The following SHC4 variants were observed in gnomAD, a reference collection of about 807,000 sequenced individuals.
SHC4 encodes the protein SHC-transforming protein 4.
A neutral mutation model predicts 69.4 loss-of-function variants in SHC4; 41 were observed. The observed-to-expected ratio is 0.59, with a 90% CI of 0.46 to 0.77. The LOEUF (loss-of-function observed/expected upper bound fraction) is 0.77. Ranked by LOEUF, SHC4 falls within the 30% of genes least tolerant of loss-of-function variation. SHC4 has a pLI of 0.00. For missense variants in SHC4, 777 were observed against 783.8 expected (o/e 0.99, Z 0.10); for synonymous variants, 318 against 299.3 (o/e 1.06, Z -0.64).
At chr15:48,894,967 T>C (rs1463789208) in intron 2 of SHC4, among the ~76,000 whole-genome samples, 5 of 151,932 alleles carry the variant, frequency 3.3e-5, no homozygotes, top group African/African-American at 1.2e-4. Flanking sequence ...TAATTTTTTC[T>C]TTTCCTTTTT....
chr15:48,923,777 C>A (rs1034626437), intron 2 of SHC4, among the ~76,000 whole-genome samples: 7 of 151,466 alleles, frequency 4.6e-5, no homozygotes, highest in Middle Eastern at 3.4e-3. Flanking sequence ...GTAGCTGGGG[C>A]TACTGGCATG....
intron 1 of SHC4, among the ~76,000 whole-genome samples, chr15:48,949,020 G>A (rs1901323257): frequency 6.6e-6 from 1 of 152,116 alleles, no homozygotes; most frequent in African/African-American, 2.4e-5. Context: ...TCCTTCTGTA[G>A]TCCTGTGTCT....
At chr15:48,886,249 T>C (rs183755175) in intron 3 of SHC4, among the ~76,000 whole-genome samples, 24 of 152,126 alleles carry the variant, frequency 1.6e-4, no homozygotes, top group Non-Finnish European at 2.9e-5. Context: ...AGAGCAAGAC[T>C]GTCTCAAAAT....
intron 1 of SHC4, among the ~76,000 whole-genome samples, chr15:48,942,483 A>T (rs1036882218): frequency 1.4e-5 from 2 of 147,162 alleles, no homozygotes. Flanking sequence ...TGTATTCTTT[A>T]AAAAAAAAAA....
At chr15:48,936,199 C>T (rs1022901232) in intron 1 of SHC4, among the ~76,000 whole-genome samples, 2 of 152,160 alleles carry the variant, frequency 1.3e-5, no homozygotes, top group African/African-American at 4.8e-5. Context: ...AAAACTCCTC[C>T]TTCTGCTCCA....
chr15:48,840,877 A>C (rs901961018), intron 10 of SHC4, among the ~76,000 whole-genome samples: 1 of 152,222 alleles, frequency 6.6e-6, no homozygotes, highest in African/African-American at 2.4e-5. Context: ...CAAAGGCCTA[A>C]ATTATTAAAT....
At chr15:48,834,148 T>C (rs1262169774) in intron 11 of SHC4, among the ~76,000 whole-genome samples, 2 of 152,212 alleles carry the variant, frequency 1.3e-5, no homozygotes, top group Non-Finnish European at 2.9e-5. Context: ...GATAATTTTC[T>C]GTCTACAGGC....
chr15:48,884,398 CTG>C, intron 3 of SHC4, 31 bp from the exon 4 acceptor site: 1 of 1,549,734 alleles, frequency 6.5e-7, no homozygotes, highest in Non-Finnish European at 8.7e-7. Context: ...AAACAAAACA[CTG>C]TTAGGAATTT....
intron 2 of SHC4, among the ~76,000 whole-genome samples, chr15:48,891,767 C>G (rs1900141754): frequency 6.6e-6 from 1 of 152,140 alleles, no homozygotes; most frequent in African/African-American, 2.4e-5. Context: ...TTATATTTCA[C>G]AATAATATTT....
intron 2 of SHC4, among the ~76,000 whole-genome samples, chr15:48,916,026 G>C (rs1595756210): frequency 6.6e-6 from 1 of 152,004 alleles, no homozygotes; most frequent in African/African-American, 2.4e-5. Flanking sequence ...CTACTCCAAG[G>C]CTTAGCAGAG....
At chr15:48,848,765 T>C (rs1351756441) in intron 9 of SHC4, among the ~76,000 whole-genome samples, 1 of 152,250 alleles carries the variant, frequency 6.6e-6, no homozygotes. Context: ...GAATTAACGT[T>C]AAAATACTTT....
At chr15:48,942,187 C>T (rs1257275807) in intron 1 of SHC4, among the ~76,000 whole-genome samples, 1 of 151,312 alleles carries the variant, frequency 6.6e-6, no homozygotes, top group African/African-American at 2.4e-5. Context: ...TTTAAAAAAA[C>T]AAAAACCCTA....
chr15:48,953,458 A>G (rs1901397391), intron 1 of SHC4, among the ~76,000 whole-genome samples: 1 of 152,134 alleles, frequency 6.6e-6, no homozygotes, highest in African/African-American at 2.4e-5. Flanking sequence ...ACAGTAGTGG[A>G]GTTGACATGT....
chr15:48,850,237 ACTAAAC>A (rs1330451682), intron 9 of SHC4, among the ~76,000 whole-genome samples: 1 of 101,642 alleles, frequency 9.8e-6, no homozygotes, highest in African/African-American at 3.7e-5. Context: ...AAATAAATAA[ACTAAAC>A]TAAACTAAAA....
intron 4 of SHC4, among the ~76,000 whole-genome samples, chr15:48,875,697 T>C (rs977983267): frequency 1.3e-5 from 2 of 152,204 alleles, no homozygotes; most frequent in Non-Finnish European, 2.9e-5. Context: ...TGATTACATA[T>C]CAGGAAAGTG....
chr15:48,924,830 T>A, intron 2 of SHC4, 49 bp downstream of exon 2: 1 of 1,580,298 alleles, frequency 6.3e-7, no homozygotes, highest in Non-Finnish European at 8.7e-7. Context: ...GAAATTATTG[T>A]GACTTTAAAC....
chr15:48,846,960 G>A (rs755608042), intron 9 of SHC4, among the ~76,000 whole-genome samples: 1 of 149,982 alleles, frequency 6.7e-6, no homozygotes, highest in Non-Finnish European at 1.5e-5. Context: ...CTTGAAAACT[G>A]CCACCTTTAA....
rs116929477 is a variant in SHC4, at chr15:48,892,789, A to G, written c.657-1978T>C. 8.8e-3 allele frequency among the ~76,000 whole-genome samples: 1,330 copies of G among 150,776 alleles called. 10 individuals carry two copies. Among genetic ancestry groups the G allele is most frequent in the Middle Eastern group, 0.017 (5 of 292 alleles). ...GAGGCAGGAGAATCTCTTGAAGCCG[A>G]GAGGCAGAGGTTGCAGTGAGCTGAG... On this transcript the variant is annotated intron_variant, in intron 2 of 11. Transcript: ENST00000332408.
At chr15:48,840,862 C>T (rs1377087308) in intron 10 of SHC4, among the ~76,000 whole-genome samples, 1 of 149,562 alleles carries the variant, frequency 6.7e-6, no homozygotes, top group Non-Finnish European at 1.5e-5. Flanking sequence ...AGAGGGAGAT[C>T]GTACCAAAGG....
Sources: gnomAD v4.1 joint callset for allele counts (sites outside exome capture counted in the v4.1 genomes callset) on GRCh38, gnomAD v4.1.1 for gene constraint, MANE v1.5 for transcripts, NCBI Gene and HGNC (gene_info 2026-07-23, HGNC 2026-07-21) for gene names.